ADGRE2: variants seen among roughly 807,000 people sequenced by gnomAD.
ADGRE2 encodes the protein CD97 antigen.
In ADGRE2, 83 loss-of-function variants were observed where a neutral mutation model predicts 100.8. The observed-to-expected ratio is 0.82, with a 90% confidence interval of 0.69 to 0.99. The LOEUF (loss-of-function observed/expected upper bound fraction) is 0.99. Ranked by LOEUF, ADGRE2 falls within the 50% of genes least tolerant of loss-of-function variation. The pLI, the probability that ADGRE2 is intolerant of heterozygous loss-of-function variation, is 0.00. For synonymous variants in ADGRE2, 355 were observed against 413.0 expected, an observed-to-expected ratio of 0.86 and a Z score of 1.70; for missense variants, 814 against 1,035.7, an observed-to-expected ratio of 0.79 and a Z score of 2.94.
intron 13 of ADGRE2, among the ~76,000 whole-genome samples, 164 bp from the exon 14 acceptor site, chr19:14,755,291 AAAAAT>A (rs368032197): frequency 7.8e-5 from 9 of 115,212 alleles, no homozygotes; most frequent in African/African-American, 2.6e-4. Flanking sequence ...AAAAAAAAAA[AAAAAT>A]ACAAAAATTA....
intron 20 of ADGRE2, 101 bp downstream of exon 20, chr19:14,743,319 A>G: frequency 1.1e-6 from 1 of 885,282 alleles, no homozygotes; most frequent in Admixed American, 1.8e-5. Context: ...GAGCCTTTCT[A>G]GGGCATTGCC....
At chr19:14,748,511 G>T (rs1176300523) in intron 16 of ADGRE2, among the ~76,000 whole-genome samples, 1 of 152,136 alleles carries the variant, frequency 6.6e-6, no homozygotes, top group African/African-American at 2.4e-5. Context: ...GTTTCACCAT[G>T]TTGGCCAGGA....
intron 14 of ADGRE2, among the ~76,000 whole-genome samples, chr19:14,753,192 GC>G (rs2043357209): frequency 6.6e-6 from 1 of 151,980 alleles, no homozygotes; most frequent in East Asian, 1.9e-4. Flanking sequence ...CCAGGTGTGG[GC>G]CCGTTAGGTT....
intron 5 of ADGRE2, 133 bp from the exon 6 acceptor site, chr19:14,767,242 CTTT>C (rs55841640): frequency 1.2e-3 from 1,467 of 1,175,350 alleles, no homozygotes; most frequent in Admixed American, 1.7e-3. Context: ...TTCTTTCTTT[CTTT>C]TTTTTTTTTT....
At chr19:14,768,493 C>T (rs2044074815) in intron 5 of ADGRE2, among the ~76,000 whole-genome samples, 1 of 152,190 alleles carries the variant, frequency 6.6e-6, no homozygotes, top group African/African-American at 2.4e-5. Context: ...TATCTGTCAT[C>T]TCATCTCTTG....
At chr19:14,725,172 T>G in the ADGRE2 span, among the ~76,000 whole-genome samples, 1 of 152,004 alleles carries the variant, frequency 6.6e-6, no homozygotes, top group Admixed American at 6.6e-5. Flanking sequence ...CAGGGGAGAT[T>G]GCATGCTCTT....
At chr19:14,729,839 A>G (rs12979589), downstream of ADGRE2, among the ~76,000 whole-genome samples, 21,366 of 152,202 alleles carry the variant, frequency 0.14, 1,737 homozygotes, top group Middle Eastern at 0.22. Flanking sequence ...GTTATTCCCC[A>G]ATGTATACAT....
downstream of ADGRE2, among the ~76,000 whole-genome samples, chr19:14,729,156 G>A (rs564289587): frequency 6.6e-6 from 1 of 152,252 alleles, no homozygotes; most frequent in East Asian, 1.9e-4. Flanking sequence ...ATAGAGACAA[G>A]GAAGTTAACA....
intron 10 of ADGRE2, 111 bp downstream of exon 10, chr19:14,765,209 C>T: frequency 6.4e-6 from 7 of 1,098,804 alleles, no homozygotes; most frequent in South Asian, 5.3e-5. Context: ...GGAGTCAGAC[C>T]AGCACCCACT....
chr19:14,731,100 C>A (rs1007097547), downstream of ADGRE2: 5 of 1,377,294 alleles, frequency 3.6e-6, no homozygotes, highest in East Asian at 1.2e-4. Flanking sequence ...CCCCTCCCCC[C>A]AAGGATTGGC....
At chr19:14,765,441 G>C in intron 9 of ADGRE2, 44 bp from the exon 10 acceptor site, 1 of 1,613,564 alleles carries the variant, frequency 6.2e-7, no homozygotes, top group Non-Finnish European at 8.5e-7. Flanking sequence ...CTGGACGGCG[G>C]GTGGGAAGTT....
intron 5 of ADGRE2, among the ~76,000 whole-genome samples, chr19:14,768,052 T>TGTA (rs1185361116): frequency 6.6e-6 from 1 of 152,234 alleles, no homozygotes; most frequent in Non-Finnish European, 1.5e-5. Context: ...CTGCAGGCTG[T>TGTA]GTAAGATGCA....
chr19:14,729,110 G>A (rs1434146867), downstream of ADGRE2, among the ~76,000 whole-genome samples: 4 of 152,114 alleles, frequency 2.6e-5, no homozygotes, highest in African/African-American at 7.2e-5. Flanking sequence ...TAGTGCCGAC[G>A]GGAAGGCTGT....
At chr19:14,737,526 A>G (rs895717689) in intron 20 of ADGRE2, among the ~76,000 whole-genome samples, 2 of 152,016 alleles carry the variant, frequency 1.3e-5, no homozygotes, top group Non-Finnish European at 1.5e-5. Context: ...TTTTCTTACC[A>G]TATGTATTTG....
At chr19:14,763,658 G>A (rs1308746659) in intron 11 of ADGRE2, among the ~76,000 whole-genome samples, 28 of 45,416 alleles carry the variant, frequency 6.2e-4, no homozygotes, top group African/African-American at 2.2e-3. Context: ...GCTCTTTCTC[G>A]TCTCCTCCTC....
At chr19:14,772,845 C>T (rs780121569) in intron 4 of ADGRE2, among the ~76,000 whole-genome samples, 13 of 151,318 alleles carry the variant, frequency 8.6e-5, no homozygotes, top group African/African-American at 1.2e-4. Context: ...TTTGGGAGGC[C>T]GAGGCCGGCA....
At chr19:14,771,472 T>C (rs910454559) in intron 5 of ADGRE2, among the ~76,000 whole-genome samples, 2 of 152,092 alleles carry the variant, frequency 1.3e-5, no homozygotes, top group Non-Finnish European at 2.9e-5. Flanking sequence ...GGGGCCTGGC[T>C]TCTCATGGGC....
chr19:14,737,552 A>C (rs539569432), intron 20 of ADGRE2, among the ~76,000 whole-genome samples: 3 of 152,190 alleles, frequency 2.0e-5, no homozygotes, highest in South Asian at 4.2e-4. Flanking sequence ...GCAACATCAA[A>C]AGGCCATATC....
chr19:14,727,761 TA>T (rs1249368341), downstream of ADGRE2, among the ~76,000 whole-genome samples: 1 of 151,990 alleles, frequency 6.6e-6, no homozygotes, highest in African/African-American at 2.4e-5. Context: ...CCCAGTATCC[TA>T]ATCATTTCCT....
Sources: allele counts gnomAD v4.1 joint callset (sites outside exome capture counted in the v4.1 genomes callset), GRCh38; gene constraint gnomAD v4.1.1; transcripts MANE v1.5; gene names NCBI Gene and HGNC (gene_info 2026-07-23, HGNC 2026-07-21).